Variants in RGPD1 observed in about 807,000 individuals in gnomAD.
RGPD1 encodes RANBP2 like and GRIP domain containing 1, also known as RANBP2-like and GRIP domain-containing protein 1.
In RGPD1, 7 loss-of-function variants were observed where a neutral mutation model predicts 40.6. The ratio of observed to expected loss-of-function variants is 0.17; its 90% CI spans 0.10 to 0.32. The LOEUF is 0.32. Among genes scored for constraint, RGPD1 ranks in the 10% least tolerant of loss-of-function variants. The probability of loss-of-function intolerance (pLI) is 1.00; values close to 1 mark genes in which losing one functional copy is unlikely to be tolerated. For missense variants in RGPD1, 50 were observed against 472.5 expected, an observed-to-expected ratio of 0.11 and a Z score of 8.29; for synonymous variants, 24 against 167.0, an observed-to-expected ratio of 0.14 and a Z score of 6.60.
intron 1 of RGPD1, among the ~76,000 whole-genome samples, chr2:86,944,976 CA>C (rs1680232915): frequency 6.6e-6 from 1 of 150,454 alleles, no homozygotes; most frequent in African/African-American, 2.4e-5. Flanking sequence ...GCCTTGGCCA[CA>C]AGTGCTGAGA....
At chr2:86,930,637 T>A (rs948989712) in intron 1 of RGPD1, 24 of 1,611,388 alleles carry the variant, frequency 1.5e-5, no homozygotes, top group Non-Finnish European at 2.0e-5. Context: ...CAGTGAACAC[T>A]CTCACAGAGG....
upstream of RGPD1, among the ~76,000 whole-genome samples, chr2:86,941,004 C>CT (rs1679701003): frequency 2.0e-5 from 3 of 150,516 alleles, no homozygotes; most frequent in South Asian, 2.1e-4. Context: ...GCTGTTTTTC[C>CT]TTTTTTAGAA....
upstream of RGPD1, among the ~76,000 whole-genome samples, chr2:86,939,114 A>AT (rs1216412633): frequency 1.8e-5 from 2 of 111,950 alleles, no homozygotes; most frequent in Admixed American, 1.9e-4. Flanking sequence ...AATATATGAC[A>AT]TTGGACATTA....
Position 86,960,617 on chromosome 2 carries a change from T to C in RGPD1, c.779+2190T>C, listed in dbSNP as rs1680910672. ...ATCTTTTTTTTTTTTTGAGACGGAG[T>C]CTCGCTCTGTTGCCCAGGCTGGAGT... On this transcript the variant is annotated intron_variant, in intron 6 of 22. Coordinates refer to ENST00000641458, the MANE Select transcript of RGPD1 (RefSeq NM_001382344.1). Among the ~76,000 whole-genome samples, 6 of 127,282 alleles carry C rather than the reference T, an allele frequency of 4.7e-5. 1 individual carries two copies. The South Asian group carries it at 1.2e-3, about 25-fold the overall frequency. The allele number at this position is 127,282 out of a possible 152,430, so 83.5% of individuals were successfully genotyped here.
chr2:86,920,197 G>A (rs1380968071), intron 1 of RGPD1, among the ~76,000 whole-genome samples: 1 of 151,840 alleles, frequency 6.6e-6, no homozygotes, highest in African/African-American at 2.4e-5. Context: ...AGCCTCCTGA[G>A]TAGCTGGGAT....
chr2:86,997,194 G>A (rs1173039103), intron 21 of RGPD1, among the ~76,000 whole-genome samples: 1 of 119,548 alleles, frequency 8.4e-6, no homozygotes, highest in East Asian at 2.5e-4. Context: ...TTCTCCTCTT[G>A]TATTAGCTTG....
Position 86,929,943 on chromosome 2 carries a change from C to T in RGPD1, c.72+16022C>T, listed in dbSNP as rs564260586. Among the ~76,000 whole-genome samples the T allele has an allele frequency of 4.3e-5, 6 of 141,010 alleles. No homozygotes were observed. In the East Asian group the frequency reaches 1.4e-3, roughly 33 times the overall value. 92.5% of individuals were successfully genotyped at this position (141,010 alleles called of 152,430 possible). ...CTCTCAAAACTACTTATGGGATGTC[C>T]CCTTCACTGGAAGACAGCCCCATGG... On this transcript the variant is annotated intron_variant, in intron 1 of 22. Transcript: ENST00000398193.
rs1164297369 is a variant in RGPD1 at position 86,942,511 on chromosome 2, G to GGGCGGC, written c.72+213_72+218dup. 9.1e-3 allele frequency among the ~76,000 whole-genome samples: 1,068 copies of GGGCGGC among 117,668 alleles called. 83 individuals carry two copies. Among genetic ancestry groups the GGGCGGC allele is most frequent in the Non-Finnish European group, 0.012 (676 of 56,184 alleles). The allele number at this position is 117,668 out of a possible 152,430, so 77.2% of individuals were successfully genotyped here. ...CGGCGGCGGCGGCCTCGACCTGGCC[G>GGGCGGC]GGCGGCGGCGGCGGCCTCGACCTGG... On this transcript the variant is annotated intron_variant, in intron 1 of 22. Transcript: ENST00000641458.
intron 1 of RGPD1, among the ~76,000 whole-genome samples, 194 bp downstream of exon 1, chr2:86,942,502 G>T (rs1360468200): frequency 7.4e-6 from 1 of 135,492 alleles, no homozygotes; most frequent in Non-Finnish European, 1.6e-5. Flanking sequence ...CGGCGGCCTC[G>T]ACCTGGCCGG....
At chr2:86,935,948 G>A (rs1311499440) in intron 1 of RGPD1, among the ~76,000 whole-genome samples, 1 of 145,668 alleles carries the variant, frequency 6.9e-6, no homozygotes, top group Non-Finnish European at 1.5e-5. Context: ...GCATTGGATG[G>A]GGGCAGATAA....
At chr2:86,915,126 T>C (rs1251722894) in intron 1 of RGPD1, among the ~76,000 whole-genome samples, 11 of 149,840 alleles carry the variant, frequency 7.3e-5, no homozygotes, top group Admixed American at 7.3e-4. Context: ...TGAAACCCTT[T>C]CTCTACTGAA....
chr2:86,914,336 G>T (rs1423557991), intron 1 of RGPD1, among the ~76,000 whole-genome samples: 1 of 17,894 alleles, frequency 5.6e-5, no homozygotes, highest in Admixed American at 3.5e-4. Flanking sequence ...CTGGCCGGGC[G>T]GCGGCGGCGG....
In RGPD1 at chr2:86,925,085, A is replaced by C. The variant is rs534961088; in HGVS notation, c.72+11164A>C. ...TAGCTGCTTATGTATCTTTTTGTGA[A>C]GTTTCTGTTCAAATCTTTATCAACT... On this transcript the variant is annotated intron_variant, in intron 1 of 22. Transcript: ENST00000398193. Among the ~76,000 whole-genome samples, 4 of 152,348 alleles carry C rather than the reference A, an allele frequency of 2.6e-5. No homozygotes were observed. The South Asian group carries it at 6.2e-4, about 24-fold the overall frequency.
At chr2:86,926,681 T>C (rs1379313859) in intron 1 of RGPD1, among the ~76,000 whole-genome samples, 4 of 151,502 alleles carry the variant, frequency 2.6e-5, no homozygotes, top group Non-Finnish European at 5.9e-5. Context: ...ATGGAAAAGA[T>C]GATTATACTT....
rs771653634 is a variant in RGPD1 at position 86,913,838 on chromosome 2, G to A, written c.-12G>A. 2.5e-6 allele frequency: 4 copies of A among 1,572,554 alleles called. No homozygotes were observed. The Admixed American group carries it at 6.9e-5, about 27-fold the overall frequency. ...TGGTTTCACGCGTCTCGGGAGCCAG[G>A]TTGGCGGTGCGATGAGGCGCAGCAA... On this transcript the variant is annotated 5_prime_UTR_variant, in exon 1 of 23. Coordinates refer to the RGPD1 transcript ENST00000398193.
chr2:86,919,540 G>A (rs1225476051), intron 1 of RGPD1, among the ~76,000 whole-genome samples: 3 of 106,524 alleles, frequency 2.8e-5, no homozygotes, highest in South Asian at 3.1e-4. Flanking sequence ...ACATCATCCC[G>A]GCCACATTGG....
chr2:86,923,013 TCAGGTTC>T (rs1400589391), intron 1 of RGPD1, among the ~76,000 whole-genome samples: 2 of 112,854 alleles, frequency 1.8e-5, no homozygotes, highest in African/African-American at 7.0e-5. Flanking sequence ...CTCAATCGTA[TCAGGTTC>T]CATGGTATAT....
intron 1 of RGPD1, among the ~76,000 whole-genome samples, chr2:86,931,665 A>G (rs561721837): frequency 6.6e-6 from 1 of 152,080 alleles, no homozygotes; most frequent in East Asian, 1.9e-4. Flanking sequence ...AACTGTTAAT[A>G]CATTTTCATA....
intron 1 of RGPD1, among the ~76,000 whole-genome samples, chr2:86,930,975 C>CT (rs1678915098): frequency 9.2e-6 from 1 of 109,238 alleles, no homozygotes; most frequent in Admixed American, 1.0e-4. Context: ...AAAATAAGGA[C>CT]TAGAAATTTA....
Sources: gnomAD v4.1 joint callset for allele counts (sites outside exome capture counted in the v4.1 genomes callset) on GRCh38, gnomAD v4.1.1 for gene constraint, MANE v1.5 for transcripts, NCBI Gene and HGNC (gene_info 2026-07-23, HGNC 2026-07-21) for gene names.